Variants in FBLIM1 observed in about 807,000 individuals in gnomAD.
The protein encoded by FBLIM1 is filamin-binding LIM protein 1.
In FBLIM1, 29 loss-of-function variants were observed where a neutral mutation model predicts 37.4. That is an observed-to-expected ratio of 0.77 (90% CI 0.58 to 1.06). The LOEUF (loss-of-function observed/expected upper bound fraction) is 1.06, where lower values mean the gene tolerates loss of function less well. FBLIM1 is among the 50% of genes least tolerant of loss of function. FBLIM1 has a pLI of 0.00. For synonymous variants in FBLIM1, 193 were observed against 199.0 expected (o/e 0.97, Z 0.25); for missense variants, 449 against 505.6 (o/e 0.89, Z 1.07).
intron 8 of FBLIM1, among the ~76,000 whole-genome samples, 155 bp from the exon 9 acceptor site, chr1:15,784,393 G>T (rs771548318): frequency 5.3e-5 from 8 of 152,160 alleles, no homozygotes; most frequent in Non-Finnish European, 1.0e-4. Context: ...TGGCCCGGGT[G>T]TTGGGAGGGC....
chr1:15,762,113 G>C (rs565472077), intron 1 of FBLIM1, among the ~76,000 whole-genome samples: 3 of 150,654 alleles, frequency 2.0e-5, no homozygotes, highest in African/African-American at 7.3e-5. Context: ...TTTCGAGACA[G>C]AGTTTCACTC....
intron 1 of FBLIM1, among the ~76,000 whole-genome samples, chr1:15,760,237 A>T (rs910929555): frequency 6.7e-6 from 1 of 150,336 alleles, no homozygotes; most frequent in Non-Finnish European, 1.5e-5. Context: ...ATAAATAAAT[A>T]ACAAAGCTTA....
Position 15,777,177 on chromosome 1 carries a change from G to GC in FBLIM1, c.903dup (p.Val302ArgfsTer6), listed in dbSNP as rs904186079. The GC allele has an allele frequency of 1.3e-6, 2 of 1,598,066 alleles. No homozygotes were observed. The highest frequency in any genetic ancestry group is 2.7e-5 in the African/African-American group (2 of 74,520). ...GGGTTCCTTTGCTTCTAGGAAATTC[G>GC]CCCCCGTCTGCAGCATCTGTGAAAA... On this transcript the variant is annotated frameshift_variant, in exon 8 of 9. Transcript: ENST00000375766. LOFTEE classifies it high-confidence loss of function.
chr1:15,765,751 T>A lies in FBLIM1; in HGVS notation c.250+518T>A, dbSNP rs1445066798. Among the ~76,000 whole-genome samples the A allele has an allele frequency of 6.6e-6, 1 of 152,182 alleles. No individual in the cohort carries two copies. Among genetic ancestry groups the A allele is most frequent in the African/African-American group, 2.4e-5 (1 of 41,444 alleles). ...CCATCTGCCATCTGCTTAGTACTTGTCCTCTCAGAGTCATCCTCGAGCGGG... is the reference window on the plus strand; with the variant it reads ...CCATCTGCCATCTGCTTAGTACTTGACCTCTCAGAGTCATCCTCGAGCGGG... On this transcript the variant is annotated intron_variant, in intron 3 of 8. Transcript: ENST00000375766. This position sits in a 1 kb window ranked among gnomAD's most constrained non-coding sequence, Gnocchi z 5.9.
chr1:15,780,204 T>A (rs2069600677), intron 8 of FBLIM1, among the ~76,000 whole-genome samples: 1 of 149,100 alleles, frequency 6.7e-6, no homozygotes, highest in Non-Finnish European at 1.5e-5. Context: ...AATTCTTAAA[T>A]TTTTTTTTTG....
At chr1:15,777,312 T>G in intron 8 of FBLIM1, 25 bp downstream of exon 8, 1 of 1,555,872 alleles carries the variant, frequency 6.4e-7, no homozygotes, top group Admixed American at 1.7e-5. Flanking sequence ...GGTGGTTTAA[T>G]AACATTCCAT....
At chr1:15,770,017 G>T (rs2069124520) in intron 5 of FBLIM1, among the ~76,000 whole-genome samples, 1 of 151,946 alleles carries the variant, frequency 6.6e-6, no homozygotes, top group African/African-American at 2.4e-5. Flanking sequence ...CACAGTCTCG[G>T]CTCACTATAA....
Position 15,786,223 on chromosome 1 carries a change from C to T in FBLIM1, c.*1562C>T, listed in dbSNP as rs1210514176. 2 of 152,248 alleles carry T rather than the reference C, an allele frequency of 1.3e-5. No individual in the cohort carries two copies. The highest frequency in any genetic ancestry group is 4.8e-5 in the African/African-American group (2 of 41,448). 9.4% of individuals were successfully genotyped at this position (152,248 alleles called of 1,614,324 possible). A position where few individuals can be genotyped will look rare whatever the true frequency, so the allele number is the denominator to read the frequency against. ...ATCACTTCTAAGACATTTTGTACGG[C>T]ACGGACAAGTTAAACAGAATGTGCT... On this transcript the variant is annotated 3_prime_UTR_variant, in exon 9 of 9. Coordinates refer to ENST00000375766, the MANE Select transcript of FBLIM1 (RefSeq NM_017556.4).
rs2068869871 is a variant in FBLIM1 at position 15,765,437 on chromosome 1, A to T, written c.250+204A>T. Among the ~76,000 whole-genome samples the T allele has an allele frequency of 1.3e-5, 2 of 152,096 alleles. No homozygotes were observed. The highest frequency in any genetic ancestry group is 4.8e-5 in the African/African-American group (2 of 41,410). On this transcript the variant is annotated intron_variant, in intron 3 of 8. Coordinates refer to ENST00000375766, the MANE Select transcript of FBLIM1 (RefSeq NM_017556.4). The surrounding 1 kb of genome is among the most constrained non-coding windows in gnomAD (Gnocchi z 5.9). Reference sequence around the variant, plus strand: ...ATGTCAGAATTTCCGGGACATTTTCATGGGTTATTGGGATTATGGGAAGAG... The same window carrying T: ...ATGTCAGAATTTCCGGGACATTTTCTTGGGTTATTGGGATTATGGGAAGAG...
intron 6 of FBLIM1, 31 bp from the exon 7 acceptor site, chr1:15,774,587 T>C: frequency 3.1e-6 from 5 of 1,587,622 alleles, no homozygotes; most frequent in Non-Finnish European, 4.3e-6. Flanking sequence ...GGGTGTGTCG[T>C]GGATGGTTCT....
chr1:15,762,749 G>A (rs965758693), intron 1 of FBLIM1, among the ~76,000 whole-genome samples: 7 of 152,210 alleles, frequency 4.6e-5, no homozygotes, highest in African/African-American at 1.7e-4. Flanking sequence ...TGCAGACACC[G>A]GTCAGACGCA....
chr1:15,768,543 C>T lies in FBLIM1; in HGVS notation c.454C>T (p.Pro152Ser). The T allele has an allele frequency of 1.9e-6, 3 of 1,592,088 alleles. No homozygotes were observed. The highest frequency in any genetic ancestry group is 2.6e-6 in the Non-Finnish European group (3 of 1,172,926). ...ATCCCCACAGGCCCCAGCGGAGGGA[C>T]CTTCAGTCCAGCCCGGTCCCCTCAG... ...PPPPQAPAEG[P>S]SVQPGPLRPM... is the part of the protein sequence containing the mutation. The change falls in exon 5 of 9, where the codon CCT becomes TCT. Residue 152 changes from proline to serine, a missense_variant. Pro to Ser is a moderately conservative substitution (Grantham distance 74). Coordinates refer to ENST00000375766, the MANE Select transcript of FBLIM1 (RefSeq NM_017556.4).
At position 15,784,919 on chromosome 1, in the gene FBLIM1, C is replaced by T. The variant is rs1292875799; in HGVS notation, c.*258C>T. The T allele has an allele frequency of 6.1e-6, 2 of 330,346 alleles. No individual in the cohort carries two copies. Among genetic ancestry groups the T allele is most frequent in the Non-Finnish European group, 1.1e-5 (2 of 176,394 alleles). 20.5% of individuals were successfully genotyped at this position (330,346 alleles called of 1,614,324 possible). On this transcript the variant is annotated 3_prime_UTR_variant, in exon 9 of 9. Transcript: ENST00000375766. ...TTCCCTGCTGACCCTGCCCCACTTC[C>T]AGGGAAAAGCTGGGGGAGGTTGGAC...
intron 7 of FBLIM1, among the ~76,000 whole-genome samples, chr1:15,775,629 A>C (rs12730950): frequency 0.67 from 101,810 of 151,774 alleles, 34,489 homozygotes; most frequent in East Asian, 0.78. Context: ...CAAGGAGCTT[A>C]CATGCCCTCC....
At chr1:15,767,130 C>T (rs1481160250) in intron 3 of FBLIM1, among the ~76,000 whole-genome samples, 2 of 151,700 alleles carry the variant, frequency 1.3e-5, no homozygotes, top group African/African-American at 4.8e-5. Flanking sequence ...TGGGTTCAAG[C>T]GAACTGCCTA....
intron 7 of FBLIM1, chr1:15,775,067 A>C: frequency 1.6e-6 from 1 of 631,512 alleles, no homozygotes; most frequent in Admixed American, 3.2e-5. Context: ...AAATACAAAA[A>C]AAATTAGCCA....
intron 7 of FBLIM1, among the ~76,000 whole-genome samples, chr1:15,776,552 A>C (rs1016579413): frequency 4.6e-5 from 7 of 152,080 alleles, no homozygotes; most frequent in African/African-American, 1.7e-4. Flanking sequence ...GCGGAGAGAC[A>C]GATGTGCCTC....
chr1:15,783,013 C>T (rs1484101171), intron 8 of FBLIM1, among the ~76,000 whole-genome samples: 1 of 152,034 alleles, frequency 6.6e-6, no homozygotes, highest in Non-Finnish European at 1.5e-5. Context: ...CCAGGCTGGT[C>T]GCAAACTCCT....
intron 8 of FBLIM1, among the ~76,000 whole-genome samples, chr1:15,777,523 G>A (rs943238099): frequency 6.6e-6 from 1 of 151,626 alleles, no homozygotes; most frequent in South Asian, 2.1e-4. Flanking sequence ...GTTGGCTCAT[G>A]GTGCTGGGAT....
Sources: allele counts gnomAD v4.1 joint callset (sites outside exome capture counted in the v4.1 genomes callset), GRCh38; gene constraint gnomAD v4.1.1; non-coding constraint Gnocchi (gnomAD v3.1); transcripts MANE v1.5; gene names NCBI Gene and HGNC (gene_info 2026-07-23, HGNC 2026-07-21).